Variants in XPO4 observed in about 807,000 individuals in gnomAD.
XPO4 encodes the protein exportin 4.
Under a neutral mutation model 143.0 loss-of-function variants are expected in XPO4, and 39 were observed. The ratio of observed to expected loss-of-function variants is 0.27; its 90% confidence interval spans 0.21 to 0.36. The LOEUF (loss-of-function observed/expected upper bound fraction) is 0.36. Ranked by LOEUF, XPO4 falls within the 10% of genes least tolerant of loss-of-function variation. XPO4 has a pLI of 1.00. For synonymous variants in XPO4, 439 were observed against 474.0 expected (o/e 0.93, Z 0.96); for missense variants, 907 against 1,348.0 (o/e 0.67, Z 5.12).
intron 1 of XPO4, among the ~76,000 whole-genome samples, chr13:20,890,892 G>A (rs1345406146): frequency 6.6e-6 from 1 of 150,990 alleles, no homozygotes; most frequent in Non-Finnish European, 1.5e-5. Flanking sequence ...CCAGTCACCT[G>A]AGGTCAGGAG....
At chr13:20,834,794 T>C (rs758056578) in intron 6 of XPO4, among the ~76,000 whole-genome samples, 1 of 151,906 alleles carries the variant, frequency 6.6e-6, no homozygotes, top group Non-Finnish European at 1.5e-5. Context: ...GATCCTGCCC[T>C]ACAAAAAAAT....
At chr13:20,843,148 T>C in intron 5 of XPO4, 100 bp from the exon 6 acceptor site, 1 of 1,172,570 alleles carries the variant, frequency 8.5e-7, no homozygotes, top group Non-Finnish European at 1.2e-6. Flanking sequence ...AAATTTCCAA[T>C]GGAAAACACC....
At chr13:20,895,345 G>C (rs931742179) in intron 1 of XPO4, among the ~76,000 whole-genome samples, 11 of 151,956 alleles carry the variant, frequency 7.2e-5, no homozygotes, top group Non-Finnish European at 1.3e-4. Context: ...TAGAAGTTTA[G>C]TATAGGCCAG....
At position 20,800,279 on chromosome 13, in the gene XPO4, G is replaced by T; in HGVS notation, c.2024C>A (p.Ser675Tyr). Reference protein sequence around the residue: ...STAFGADTEGSQWIIGYLLQK... With the variant: ...STAFGADTEGYQWIIGYLLQK... ...TAAGAGGTAGCCAATTATCCACTGA[G>T]AACCCTCTGTATCTGCTCCGAACGC... Residue 675 changes from serine (S) to tyrosine (Y), a missense_variant, in exon 15 of 23, where the codon TCT becomes TAT. Coordinates refer to ENST00000255305, the MANE Select transcript of XPO4 (RefSeq NM_022459.5). 6.2e-7 allele frequency: 1 copy of T among 1,613,942 alleles called. No individual in the cohort carries two copies. Among genetic ancestry groups the T allele is most frequent in the Non-Finnish European group, 8.5e-7 (1 of 1,179,998 alleles).
intron 7 of XPO4, among the ~76,000 whole-genome samples, chr13:20,822,580 A>G (rs1276788293): frequency 6.6e-6 from 1 of 152,208 alleles, no homozygotes; most frequent in Non-Finnish European, 1.5e-5. Context: ...AGTCAGACAT[A>G]CTGCTTCTTC....
chr13:20,822,311 C>A, intron 7 of XPO4, 22 bp from the exon 8 acceptor site: 1 of 1,595,672 alleles, frequency 6.3e-7, no homozygotes, highest in Non-Finnish European at 8.6e-7. Flanking sequence ...AATTACTAAT[C>A]CATAAATATA....
intron 9 of XPO4, among the ~76,000 whole-genome samples, chr13:20,818,011 G>A (rs1294417410): frequency 6.6e-6 from 1 of 152,054 alleles, no homozygotes; most frequent in East Asian, 1.9e-4. Flanking sequence ...GGCCAGGCTG[G>A]TCTCCTCACC....
chr13:20,890,872 C>T (rs1435046228), intron 1 of XPO4, among the ~76,000 whole-genome samples: 2 of 150,408 alleles, frequency 1.3e-5, no homozygotes, highest in East Asian at 3.9e-4. Context: ...CTTTGGGAAG[C>T]CAAGGTGGGC....
At chr13:20,893,343 A>G (rs1171105158) in intron 1 of XPO4, among the ~76,000 whole-genome samples, 1 of 152,202 alleles carries the variant, frequency 6.6e-6, no homozygotes, top group East Asian at 1.9e-4. Flanking sequence ...CAGTGGACAG[A>G]AACAGTCTTA....
intron 6 of XPO4, among the ~76,000 whole-genome samples, chr13:20,827,684 T>C (rs543352380): frequency 6.6e-6 from 1 of 152,062 alleles, no homozygotes; most frequent in Admixed American, 6.5e-5. Context: ...ACACATATAA[T>C]ATTAAAGAAA....
intron 2 of XPO4, among the ~76,000 whole-genome samples, chr13:20,868,168 T>TAA (rs148953281): frequency 2.1e-5 from 3 of 141,592 alleles, no homozygotes; most frequent in Admixed American, 7.2e-5. Context: ...ACTAAATGGT[T>TAA]AAAAAAAAAA....
Position 20,822,645 on chromosome 13 carries a change from G to A in XPO4, c.841-356C>T, listed in dbSNP as rs2059734884. Among the ~76,000 whole-genome samples the A allele has an allele frequency of 2.0e-5, 3 of 152,222 alleles. No homozygotes were observed. The South Asian group carries it at 6.2e-4, about 32-fold the overall frequency. On this transcript the variant is annotated intron_variant, in intron 7 of 22. Transcript: ENST00000255305. The stretch of plus-strand genomic sequence containing the variant: ...ATTATGCTAACTATGCCTAGCTACA[G>A]CTTCTTGCTAAACTTAGCAGACAAG...
At chr13:20,785,354 CCTATCAT>C (rs1477036166) in intron 22 of XPO4, among the ~76,000 whole-genome samples, 1 of 152,160 alleles carries the variant, frequency 6.6e-6, no homozygotes, top group Non-Finnish European at 1.5e-5. Flanking sequence ...AGTATAATCT[CCTATCAT>C]TTCCCTACTC....
intron 9 of XPO4, among the ~76,000 whole-genome samples, chr13:20,813,872 C>T (rs914888029): frequency 2.0e-5 from 3 of 151,568 alleles, no homozygotes; most frequent in Admixed American, 2.0e-4. Context: ...GCAGAAGAAT[C>T]GCTTAAACCC....
intron 3 of XPO4, chr13:20,859,860 A>AT (rs1409979638): frequency 2.0e-6 from 2 of 980,728 alleles, no homozygotes; most frequent in African/African-American, 3.5e-5. Context: ...AGCCAGACAC[A>AT]TATACATAAT....
chr13:20,834,521 C>A (rs1257393282), intron 6 of XPO4, among the ~76,000 whole-genome samples: 1 of 151,374 alleles, frequency 6.6e-6, no homozygotes, highest in Non-Finnish European at 1.5e-5. Flanking sequence ...TGCCAAGAGC[C>A]ATGATTACAC....
In XPO4 at chr13:20,783,845, A is replaced by C; in HGVS notation, c.3333T>G (p.Asp1111Glu). ...QDPVIYQRLADAFNKLTASST... is the reference protein window; with the variant it reads ...QDPVIYQRLAEAFNKLTASST... ...TGCTTGCAGTGAGCTTGTTGAAGGCATCTGCTAATCTCTGGTAAATAACTG... is the reference window on the plus strand; with the variant it reads ...TGCTTGCAGTGAGCTTGTTGAAGGCCTCTGCTAATCTCTGGTAAATAACTG... The change falls in exon 23 of 23, where the codon GAT (aspartate) becomes GAG (glutamate). Residue 1111 changes from aspartate to glutamate, a missense_variant. Asp to Glu is a conservative substitution (Grantham distance 45, BLOSUM62 2). Transcript: ENST00000255305. The C allele has an allele frequency of 6.2e-7, 1 of 1,614,236 alleles. No individual in the cohort carries two copies. Among genetic ancestry groups the C allele is most frequent in the African/African-American group, 1.3e-5 (1 of 75,080 alleles).
rs542881996 is a variant in XPO4, at chr13:20,875,411, C to T, written c.70-6710G>A. ...AATCCCTGTCTCCCTAGCAAAGCTA[C>T]CCTTTCAAATTTGAAAGATGTCCTT... On this transcript the variant is annotated intron_variant, in intron 1 of 22. Transcript: ENST00000255305. Among the ~76,000 whole-genome samples, 5 of 152,306 alleles carry T rather than the reference C, an allele frequency of 3.3e-5. No individual in the cohort carries two copies. The South Asian group carries it at 8.3e-4, about 25-fold the overall frequency.
upstream of XPO4, chr13:20,902,754 A>T (rs755881192): frequency 3.3e-6 from 5 of 1,508,838 alleles, no homozygotes; most frequent in Non-Finnish European, 4.4e-6. Context: ...CTCTTCAATG[A>T]CGCGCCATGC....
Sources: gnomAD v4.1 joint callset for allele counts (sites outside exome capture counted in the v4.1 genomes callset) on GRCh38, gnomAD v4.1.1 for gene constraint, MANE v1.5 for transcripts, NCBI Gene and HGNC (gene_info 2026-07-23, HGNC 2026-07-21) for gene names.